The following ZNF385B variants were observed in gnomAD, a reference collection of about 807,000 sequenced individuals.
ZNF385B encodes the protein zinc finger protein 385B.
A neutral mutation model predicts 39.2 loss-of-function variants in ZNF385B; 23 were observed. The observed-to-expected ratio is 0.59, with a 90% confidence interval of 0.42 to 0.83. ZNF385B has a LOEUF of 0.83. Among genes scored for constraint, ZNF385B ranks in the 40% least tolerant of loss-of-function variants. The probability of loss-of-function intolerance (pLI) is 0.00; values close to 1 mark genes in which losing one functional copy is unlikely to be tolerated. For missense variants in ZNF385B, 552 were observed against 598.9 expected (o/e 0.92, Z 0.82); for synonymous variants, 205 against 222.6 (o/e 0.92, Z 0.70).
intron 3 of ZNF385B, among the ~76,000 whole-genome samples, chr2:179,555,704 T>A (rs2060862258): frequency 6.7e-6 from 1 of 149,298 alleles, no homozygotes; most frequent in South Asian, 2.2e-4. Flanking sequence ...TTCTCTTTAA[T>A]GCTGATGCTT....
At chr2:179,455,126 A>AT (rs1394310062) in intron 6 of ZNF385B, among the ~76,000 whole-genome samples, 1 of 151,972 alleles carries the variant, frequency 6.6e-6, no homozygotes, top group Non-Finnish European at 1.5e-5. Context: ...CAAGTATGCC[A>AT]TTTTTTTATC....
chr2:179,699,690 G>A (rs1699033246), intron 3 of ZNF385B, among the ~76,000 whole-genome samples: 1 of 152,142 alleles, frequency 6.6e-6, no homozygotes, highest in African/African-American at 2.4e-5. Flanking sequence ...CTTGAGCAGG[G>A]AGGTTTCTTG....
At chr2:179,842,905 A>T (rs771619848) in intron 1 of ZNF385B, among the ~76,000 whole-genome samples, 9 of 152,168 alleles carry the variant, frequency 5.9e-5, no homozygotes, top group Non-Finnish European at 1.3e-4. Context: ...TGATGGACTA[A>T]AGGCCTCTCC....
chr2:179,779,841 T>C (rs1204037351), intron 1 of ZNF385B, among the ~76,000 whole-genome samples: 1 of 152,182 alleles, frequency 6.6e-6, no homozygotes, highest in Non-Finnish European at 1.5e-5. Flanking sequence ...ATATGTTACT[T>C]ACCTTAAGTT....
intron 3 of ZNF385B, among the ~76,000 whole-genome samples, chr2:179,605,031 C>G (rs1436989938): frequency 6.6e-6 from 1 of 151,970 alleles, no homozygotes; most frequent in Non-Finnish European, 1.5e-5. Context: ...AAAGTATATC[C>G]TATATCTTTA....
At chr2:179,508,432 A>G (rs6746879) in intron 5 of ZNF385B, among the ~76,000 whole-genome samples, 108,381 of 152,094 alleles carry the variant, frequency 0.71, 39,743 homozygotes, top group East Asian at 0.91. Context: ...AACCCTCAAC[A>G]ATCTTTTTCC....
intron 3 of ZNF385B, 142 bp from the exon 4 acceptor site, chr2:179,545,111 T>A: frequency 2.2e-6 from 2 of 925,114 alleles, no homozygotes; most frequent in South Asian, 1.6e-5. Context: ...GGCACAGGAG[T>A]AGTAAACACA....
chr2:179,807,558 G>A (rs1706431627), intron 1 of ZNF385B, among the ~76,000 whole-genome samples: 1 of 151,680 alleles, frequency 6.6e-6, no homozygotes, highest in Admixed American at 6.6e-5. Context: ...TCTCCAGCCT[G>A]GGTGACAGAG....
intron 3 of ZNF385B, among the ~76,000 whole-genome samples, chr2:179,750,954 G>A (rs770342712): frequency 5.9e-5 from 9 of 151,920 alleles, no homozygotes; most frequent in Non-Finnish European, 1.2e-4. Context: ...CTACTGAAAA[G>A]GTAAAATACA....
chr2:179,579,056 C>T (rs1326336563), intron 3 of ZNF385B, among the ~76,000 whole-genome samples: 2 of 152,152 alleles, frequency 1.3e-5, no homozygotes, highest in Admixed American at 6.6e-5. Context: ...CCTGACAAAT[C>T]TGGGAACACT....
intron 5 of ZNF385B, among the ~76,000 whole-genome samples, chr2:179,490,316 AAC>A (rs143318849): frequency 0.15 from 22,159 of 149,844 alleles, 1,888 homozygotes; most frequent in Middle Eastern, 0.21. Flanking sequence ...TACACACACA[AAC>A]ACACACACAC....
chr2:179,761,318 A>G (rs1043863900), intron 3 of ZNF385B, among the ~76,000 whole-genome samples: 1 of 152,230 alleles, frequency 6.6e-6, no homozygotes, highest in Non-Finnish European at 1.5e-5. Context: ...CATGAAAATT[A>G]TAGATCAGTT....
chr2:179,802,487 C>T (rs781439951), intron 1 of ZNF385B: 1 of 151,944 alleles, frequency 6.6e-6, no homozygotes, highest in Non-Finnish European at 1.5e-5. Flanking sequence ...TTGAAGTATC[C>T]AATGATAAAA....
At chr2:179,617,791 C>T (rs1689877841) in intron 3 of ZNF385B, among the ~76,000 whole-genome samples, 1 of 152,122 alleles carries the variant, frequency 6.6e-6, no homozygotes, top group South Asian at 2.1e-4. Flanking sequence ...GGGGGTTGGG[C>T]TTCTAGTATA....
intron 3 of ZNF385B, among the ~76,000 whole-genome samples, chr2:179,614,358 T>C (rs1243476787): frequency 2.0e-5 from 3 of 152,336 alleles, no homozygotes; most frequent in Middle Eastern, 3.4e-3. Flanking sequence ...GCTTGGAATG[T>C]TGGAAGTGCT....
rs879864445 is a variant in ZNF385B, at chr2:179,459,615, GTA to G, written c.716-12847_716-12846del. On this transcript the variant is annotated intron_variant, in intron 6 of 9. Coordinates refer to ENST00000410066, the MANE Select transcript of ZNF385B (RefSeq NM_152520.6). ...TGTGTGTGTGTGTGTGTGTGTGTGT[GTA>G]TGTGTGTGTGGATTTATATATACAA... is the stretch of plus-strand genomic sequence containing the variant. 3.6e-3 allele frequency among the ~76,000 whole-genome samples: 545 copies of G among 149,612 alleles called. 4 individuals carry two copies. The highest frequency in any genetic ancestry group is 0.012 in the African/African-American group (477 of 40,218).
chr2:179,761,610 A>G (rs1349326492), intron 3 of ZNF385B, among the ~76,000 whole-genome samples: 1 of 151,272 alleles, frequency 6.6e-6, no homozygotes, highest in African/African-American at 2.4e-5. Context: ...ACAGGTTCTC[A>G]CTCTGTCACG....
intron 3 of ZNF385B, among the ~76,000 whole-genome samples, chr2:179,692,456 C>T (rs1698429059): frequency 6.6e-6 from 1 of 152,136 alleles, no homozygotes; most frequent in African/African-American, 2.4e-5. Flanking sequence ...CTCCAAATCC[C>T]CGTTTCCCTC....
At chr2:179,699,827 A>T (rs1699043606) in intron 3 of ZNF385B, among the ~76,000 whole-genome samples, 1 of 152,254 alleles carries the variant, frequency 6.6e-6, no homozygotes, top group Non-Finnish European at 1.5e-5. Context: ...GTGTATGAAC[A>T]GGGAAATTCA....
Sources: allele counts gnomAD v4.1 joint callset (sites outside exome capture counted in the v4.1 genomes callset), GRCh38; gene constraint gnomAD v4.1.1; transcripts MANE v1.5; gene names NCBI Gene and HGNC (gene_info 2026-07-23, HGNC 2026-07-21).